Variants in TRPM1 observed in about 807,000 individuals in gnomAD.
TRPM1 encodes the protein TRPM1-203 APA Isoform, Intron 10.
A neutral mutation model predicts 149.4 loss-of-function variants in TRPM1; 113 were observed. The ratio of observed to expected loss-of-function variants is 0.76; its 90% confidence interval spans 0.65 to 0.88. The LOEUF (loss-of-function observed/expected upper bound fraction) is 0.88, where lower values mean the gene tolerates loss of function less well. Ranked by LOEUF, TRPM1 falls within the 40% of genes least tolerant of loss-of-function variation. The pLI is 0.00. For missense variants in TRPM1, 1,976 were observed against 2,038.7 expected (o/e 0.97, Z 0.59); for synonymous variants, 741 against 759.5 (o/e 0.98, Z 0.40).
chr15:31,145,790 TG>T (rs2036217426), intron 1 of TRPM1, among the ~76,000 whole-genome samples: 1 of 152,176 alleles, frequency 6.6e-6, no homozygotes, highest in Non-Finnish European at 1.5e-5. Flanking sequence ...GCTCATTTTT[TG>T]ATCTATTTGA....
intron 1 of TRPM1, among the ~76,000 whole-genome samples, chr15:31,095,293 A>G (rs144890592): frequency 5.8e-4 from 88 of 152,364 alleles, no homozygotes; most frequent in Middle Eastern, 3.4e-3. Context: ...ACAGAGAGAC[A>G]AGGTAGTTGC....
intron 16 of TRPM1, among the ~76,000 whole-genome samples, chr15:31,044,509 G>A (rs1403400459): frequency 2.0e-5 from 3 of 152,052 alleles, no homozygotes; most frequent in Non-Finnish European, 4.4e-5. Context: ...GTGGTGGCTC[G>A]TGCCTGTAAT....
chr15:31,088,955 G>T (rs12910418), intron 1 of TRPM1, among the ~76,000 whole-genome samples: 125,512 of 152,108 alleles, frequency 0.83, 52,303 homozygotes, highest in East Asian at 0.98. Context: ...GCCTCTGTGA[G>T]GCAGTGGGGC....
chr15:31,130,473 C>G lies in TRPM1; in HGVS notation c.54+30433G>C, dbSNP rs981560784. Among the ~76,000 whole-genome samples the G allele has an allele frequency of 5.3e-5, 8 of 152,148 alleles. No homozygotes were observed. The East Asian group carries it at 1.3e-3, about 26-fold the overall frequency. ...TTTCGAAAACAAATCCTCTTCTTCCCTAGGGACCAATCTGCCTTCGTAGGA... is the reference window on the plus strand; with the variant it reads ...TTTCGAAAACAAATCCTCTTCTTCCGTAGGGACCAATCTGCCTTCGTAGGA... On this transcript the variant is annotated intron_variant, in intron 1 of 26. Transcript: ENST00000542188.
At position 31,032,820 on chromosome 15, in the gene TRPM1, G is replaced by T; in HGVS notation, c.2821C>A (p.Gln941Lys). Residue 941 changes from glutamine (Q) to lysine (K), a missense_variant, in exon 22 of 28, where the codon CAG becomes AAG. Physicochemically the swap from Gln to Lys is moderately conservative, Grantham distance 53. Around this residue, in one of 3 missense-constraint regions of TRPM1, gnomAD observed 1,332 missense variants for 1,347.1 expected, o/e 0.99. Coordinates refer to ENST00000256552, the MANE Select transcript of TRPM1 (RefSeq NM_001252024.2). ...CCATAGCCCATGTAGGGCTGGTTCT[G>T]TAGGCGAAGAATTGCTCCAATCATG... ...TFMIGAILRL[Q>K]NQPYMGYGRV... The T allele has an allele frequency of 6.2e-7, 1 of 1,614,216 alleles. No individual in the cohort carries two copies. The highest frequency in any genetic ancestry group is 8.5e-7 in the Non-Finnish European group (1 of 1,180,048).
intron 1 of TRPM1, among the ~76,000 whole-genome samples, chr15:31,096,066 TAGAA>T (rs2035373260): frequency 7.0e-6 from 1 of 142,372 alleles, no homozygotes; most frequent in Non-Finnish European, 1.5e-5. Flanking sequence ...AAAATAAAAA[TAGAA>T]AAGAAAAGAA....
Position 31,002,550 on chromosome 15 carries a change from T to C in TRPM1, c.4150A>G (p.Lys1384Glu), listed in dbSNP as rs1400976030. ...SKLGPDIGISKEDDERQTDSK... is the reference protein window; with the variant it reads ...SKLGPDIGISEEDDERQTDSK... The stretch of plus-strand genomic sequence containing the variant: ...TCTGTCTGTCTTTCATCATCTTCCT[T>C]TGAAATCCCAATATCTGGACCTAAT... The change falls in exon 28 of 28, where the codon AAG becomes GAG. Residue 1384 changes from lysine to glutamate, a missense_variant. By Grantham distance (56) the Lys-to-Glu change is moderately conservative. Transcript: ENST00000256552. The C allele has an allele frequency of 1.2e-5, 20 of 1,614,048 alleles. No homozygotes were observed. Among genetic ancestry groups the C allele is most frequent in the African/African-American group, 4.0e-5 (3 of 74,928 alleles).
intron 27 of TRPM1, among the ~76,000 whole-genome samples, chr15:31,004,975 G>A (rs566388486): frequency 1.7e-4 from 26 of 152,150 alleles, no homozygotes; most frequent in Non-Finnish European, 3.5e-4. Context: ...AGTGGTGTGT[G>A]CCGGTAATCC....
chr15:31,029,044 T>G (rs2032933574), intron 24 of TRPM1, among the ~76,000 whole-genome samples: 1 of 152,184 alleles, frequency 6.6e-6, no homozygotes, highest in Non-Finnish European at 1.5e-5. Flanking sequence ...TTTTGTTATG[T>G]TGTATGGGTT....
intron 16 of TRPM1, 75 bp downstream of exon 16, chr15:31,046,129 C>T: frequency 2.0e-6 from 3 of 1,485,002 alleles, no homozygotes; most frequent in Non-Finnish European, 2.8e-6. Context: ...CGTATATTCG[C>T]AAATACAGAA....
chr15:31,145,651 C>A (rs768179818), intron 1 of TRPM1, among the ~76,000 whole-genome samples: 1 of 152,054 alleles, frequency 6.6e-6, no homozygotes. Flanking sequence ...TATGTAACAA[C>A]GGAACAGGGA....
At position 31,077,104 on chromosome 15, in the gene TRPM1, T is replaced by C. The variant is rs577424459; in HGVS notation, c.4-120A>G. Reference sequence around the variant, plus strand: ...ACAACATCTGAATAGTCATCTGCAATAATGGTGGATGCAAGTCTTTAAGGA... The same window carrying C: ...ACAACATCTGAATAGTCATCTGCAACAATGGTGGATGCAAGTCTTTAAGGA... On this transcript the variant is annotated intron_variant, in intron 2 of 27. Transcript: ENST00000256552. The C allele has an allele frequency of 4.2e-6, 3 of 710,646 alleles. No individual in the cohort carries two copies. The South Asian group carries it at 4.5e-5, about 11-fold the overall frequency. 44.0% of individuals were successfully genotyped at this position (710,646 alleles called of 1,614,324 possible).
chr15:31,056,543 A>G (rs1242564500), intron 11 of TRPM1, among the ~76,000 whole-genome samples: 1 of 152,250 alleles, frequency 6.6e-6, no homozygotes, highest in African/African-American at 2.4e-5. Context: ...TCAGACATGT[A>G]AAGACACAGA....
intron 7 of TRPM1, chr15:31,065,261 TA>T (rs769920449): frequency 1.1e-3 from 422 of 400,868 alleles, no homozygotes; most frequent in Non-Finnish European, 1.8e-3. Flanking sequence ...CAACTTTTCC[TA>T]GTAGGCCATC....
At chr15:31,024,276 G>GTGTGA (rs2032645461) in intron 27 of TRPM1, among the ~76,000 whole-genome samples, 1 of 152,226 alleles carries the variant, frequency 6.6e-6, no homozygotes, top group African/African-American at 2.4e-5. Context: ...AGTACTTCAA[G>GTGTGA]TGTGATTTTT....
intron 26 of TRPM1, 92 bp from the exon 27 acceptor site, chr15:31,026,363 G>A (rs2032754595): frequency 6.7e-7 from 1 of 1,496,464 alleles, no homozygotes; most frequent in Middle Eastern, 1.8e-4. Flanking sequence ...CTTTAATTAA[G>A]CTCTCTTCTC....
At chr15:31,098,147 C>T (rs2035433681) in intron 1 of TRPM1, among the ~76,000 whole-genome samples, 1 of 152,170 alleles carries the variant, frequency 6.6e-6, no homozygotes, top group Admixed American at 6.5e-5. Context: ...TAGAATAATA[C>T]ACATCAGGCC....
intron 1 of TRPM1, among the ~76,000 whole-genome samples, chr15:31,132,248 G>A (rs754057982): frequency 5.3e-5 from 8 of 152,238 alleles, no homozygotes; most frequent in Non-Finnish European, 8.8e-5. Flanking sequence ...CCTCTTTCTT[G>A]CACCTCCCGA....
intron 1 of TRPM1, among the ~76,000 whole-genome samples, chr15:31,099,708 C>T (rs2035471154): frequency 6.6e-6 from 1 of 152,182 alleles, no homozygotes; most frequent in Admixed American, 6.5e-5. Context: ...GTACAGCAAA[C>T]ACATTCAACA....
Sources: gnomAD v4.1 joint callset for allele counts (sites outside exome capture counted in the v4.1 genomes callset) on GRCh38, gnomAD v4.1.1 for gene constraint, gnomAD v4.1.1 regional missense constraint, MANE v1.5 for transcripts, NCBI Gene and HGNC (gene_info 2026-07-23, HGNC 2026-07-21) for gene names.